TUSC3: variants seen among roughly 807,000 people sequenced by gnomAD.
TUSC3 encodes tumor suppressor candidate 3.
Under a neutral mutation model 44.8 loss-of-function variants are expected in TUSC3, and 45 were observed. That is an observed-to-expected ratio of 1.00 (90% CI 0.79 to 1.29). TUSC3 has a LOEUF of 1.29. Among genes scored for constraint, TUSC3 ranks in the 50% most tolerant of loss-of-function variants. The probability of loss-of-function intolerance (pLI) is 0.00; values close to 1 mark genes in which losing one functional copy is unlikely to be tolerated. For synonymous variants in TUSC3, 212 were observed against 152.9 expected, an observed-to-expected ratio of 1.39 and a Z score of -2.85; for missense variants, 519 against 437.9, an observed-to-expected ratio of 1.19 and a Z score of -1.65.
chr8:15,582,437 C>A (rs1294432014), intron 1 of TUSC3, among the ~76,000 whole-genome samples: 3 of 152,186 alleles, frequency 2.0e-5, no homozygotes, highest in Non-Finnish European at 4.4e-5. Context: ...TACGTACCTT[C>A]ATGCTATAAT....
intron 1 of TUSC3, among the ~76,000 whole-genome samples, chr8:15,472,601 A>G (rs2129123194): frequency 6.6e-6 from 1 of 152,260 alleles, no homozygotes; most frequent in Non-Finnish European, 1.5e-5. Flanking sequence ...CAAAGTGGGT[A>G]AGTTTTTCTT....
chr8:15,764,777 A>C lies in TUSC3; in HGVS notation c.*621A>C, dbSNP rs941091490. 3 of 152,534 alleles carry C rather than the reference A, an allele frequency of 2.0e-5. No homozygotes were observed. Among genetic ancestry groups the C allele is most frequent in the Non-Finnish European group, 4.4e-5 (3 of 68,322 alleles). The allele number at this position is 152,534 out of a possible 1,614,324, so 9.4% of individuals were successfully genotyped here. On this transcript the variant is annotated 3_prime_UTR_variant, in exon 11 of 11. Transcript: ENST00000503731. Reference sequence around the variant, plus strand: ...AACCAAGGACTAGAGCTCCTTCTTGAGATCTAAATCTAAAGTAAATGTGCA... The same window carrying C: ...AACCAAGGACTAGAGCTCCTTCTTGCGATCTAAATCTAAAGTAAATGTGCA...
intron 1 of TUSC3, among the ~76,000 whole-genome samples, chr8:15,437,808 C>G (rs1019862033): frequency 1.3e-5 from 2 of 152,102 alleles, no homozygotes; most frequent in African/African-American, 4.8e-5. Context: ...TACAGTCATG[C>G]CTTAAGGACT....
the TUSC3 span, among the ~76,000 whole-genome samples, chr8:15,799,074 G>C: frequency 6.6e-6 from 1 of 152,094 alleles, no homozygotes; most frequent in African/African-American, 2.4e-5. Context: ...CAAGGCTAAT[G>C]CTCCCTTATA....
chr8:15,422,909 C>T (rs887012294), intron 1 of TUSC3, among the ~76,000 whole-genome samples: 4 of 152,102 alleles, frequency 2.6e-5, no homozygotes, highest in Non-Finnish European at 5.9e-5. Flanking sequence ...TCCCAAAGTG[C>T]TGGGATTACA....
At chr8:15,492,987 C>G (rs1800830312) in intron 2 of TUSC3, among the ~76,000 whole-genome samples, 1 of 151,992 alleles carries the variant, frequency 6.6e-6, no homozygotes. Flanking sequence ...AAGACCCTGT[C>G]TCAACAAATA....
At chr8:15,625,917 G>C (rs1805486428) in intron 2 of TUSC3, among the ~76,000 whole-genome samples, 1 of 152,188 alleles carries the variant, frequency 6.6e-6, no homozygotes, top group African/African-American at 2.4e-5. Flanking sequence ...GTACTTGAGA[G>C]TGTATAAACA....
chr8:15,530,019 T>C (rs1047757222), intron 2 of TUSC3, among the ~76,000 whole-genome samples: 7 of 143,450 alleles, frequency 4.9e-5, no homozygotes, highest in African/African-American at 1.8e-4. Context: ...TCTCCTGACC[T>C]CGTGATCCAC....
In TUSC3 at chr8:15,520,231, T is replaced by C. The variant is rs145770506; in HGVS notation, n.189+36748T>C. ...AAAAAAGAGTGAGACATGGTCTCTG[T>C]CAATAGGGATTCCTGATTTTTTAAG... is the stretch of plus-strand genomic sequence containing the variant. On this transcript the variant is annotated intron_variant and non_coding_transcript_variant, in intron 2 of 5. Transcript: ENST00000503191. Among the ~76,000 whole-genome samples, 10 of 152,332 alleles carry C rather than the reference T, an allele frequency of 6.6e-5. No individual in the cohort carries two copies. In the East Asian group the frequency reaches 1.9e-3, roughly 29 times the overall value.
At chr8:15,447,103 T>G (rs1283893866) in intron 1 of TUSC3, among the ~76,000 whole-genome samples, 1 of 151,288 alleles carries the variant, frequency 6.6e-6, no homozygotes, top group African/African-American at 2.4e-5. Context: ...GATGACAATA[T>G]AGGATGTTCA....
chr8:15,665,679 AAC>A (rs1281280103), intron 5 of TUSC3, among the ~76,000 whole-genome samples: 21 of 151,304 alleles, frequency 1.4e-4, no homozygotes, highest in African/African-American at 5.1e-4. Context: ...AATATATTTA[AAC>A]AGTGAGATTA....
chr8:15,553,026 A>G (rs1259147093), intron 1 of TUSC3, among the ~76,000 whole-genome samples: 1 of 151,668 alleles, frequency 6.6e-6, no homozygotes, highest in African/African-American at 2.4e-5. Flanking sequence ...AAAAGGAGAC[A>G]AGGGTGATGA....
At chr8:15,479,901 A>C (rs55724368) in intron 1 of TUSC3, among the ~76,000 whole-genome samples, 15,167 of 152,214 alleles carry the variant, frequency 0.1, 925 homozygotes, top group African/African-American at 0.17. Flanking sequence ...TGTGGAAAAC[A>C]CCATAGTCTC....
Position 15,504,596 on chromosome 8 carries a change from TATATATATATATATATATATATATA to T in TUSC3, n.189+21114_189+21138del, listed in dbSNP as rs1196146740. ...CTTTCAGGATATATATATATATATATATATATATATATATATATATATATATTTTTTTTTTTTTTTTTTTTTAAGT... is the reference window on the plus strand; with the variant it reads ...CTTTCAGGATATATATATATATATATTTTTTTTTTTTTTTTTTTTTTAAGT... On this transcript the variant is annotated intron_variant and non_coding_transcript_variant, in intron 2 of 5. Coordinates refer to the TUSC3 transcript ENST00000503191. 2.1e-3 allele frequency among the ~76,000 whole-genome samples: 46 copies of T among 21,706 alleles called. 1 individual carries two copies. The highest frequency in any genetic ancestry group is 0.015 in the East Asian group (9 of 594). The allele number at this position is 21,706 out of a possible 152,430, so 14.2% of individuals were successfully genotyped here.
intron 3 of TUSC3, among the ~76,000 whole-genome samples, chr8:15,658,633 T>TACACACACACAC (rs551780920): frequency 1.9e-4 from 21 of 108,976 alleles, no homozygotes; most frequent in South Asian, 1.5e-3. Context: ...TATATACACA[T>TACACACACACAC]ATATATACAC....
At chr8:15,782,945 CATG>C in the TUSC3 span, among the ~76,000 whole-genome samples, 5 of 151,946 alleles carry the variant, frequency 3.3e-5, no homozygotes, top group African/African-American at 1.2e-4. Context: ...TCTCTGGTAA[CATG>C]ATGTGATAAA....
chr8:15,653,294 A>G (rs953379459), intron 3 of TUSC3, among the ~76,000 whole-genome samples: 2 of 152,166 alleles, frequency 1.3e-5, no homozygotes, highest in Non-Finnish European at 2.9e-5. Context: ...ATGTAGCTAG[A>G]TCTCTCTCAA....
chr8:15,591,421 A>G (rs1167101920), intron 1 of TUSC3, among the ~76,000 whole-genome samples: 1 of 152,192 alleles, frequency 6.6e-6, no homozygotes, highest in East Asian at 1.9e-4. Flanking sequence ...TAATTTCTGT[A>G]CCAAAATATC....
intron 2 of TUSC3, among the ~76,000 whole-genome samples, chr8:15,496,976 C>T (rs1800888695): frequency 6.6e-6 from 1 of 152,044 alleles, no homozygotes; most frequent in Admixed American, 6.5e-5. Context: ...ATTAGGAATA[C>T]ATCAGTGAAC....
Sources: gnomAD v4.1 joint callset for allele counts (sites outside exome capture counted in the v4.1 genomes callset) on GRCh38, gnomAD v4.1.1 for gene constraint, MANE v1.5 for transcripts, NCBI Gene and HGNC (gene_info 2026-07-23, HGNC 2026-07-21) for gene names.